Variants in MMEL1 observed in about 807,000 individuals in gnomAD.
MMEL1 encodes membrane metallo-endopeptidase-like 1.
MMEL1 carries 98 observed loss-of-function variants against 117.1 expected under a neutral mutation model. That is an observed-to-expected ratio of 0.84 (90% CI 0.71 to 0.99). The LOEUF (loss-of-function observed/expected upper bound fraction) is 0.99. Ranked by LOEUF, MMEL1 falls within the 50% of genes least tolerant of loss-of-function variation. The pLI is 0.00. For missense variants in MMEL1, 1,014 were observed against 1,049.1 expected, an observed-to-expected ratio of 0.97 and a Z score of 0.46; for synonymous variants, 390 against 415.1, an observed-to-expected ratio of 0.94 and a Z score of 0.74.
chr1:2,615,719 A>G (rs753422137), intron 2 of MMEL1, among the ~76,000 whole-genome samples: 5 of 152,182 alleles, frequency 3.3e-5, no homozygotes, highest in Non-Finnish European at 7.3e-5. Flanking sequence ...TTTCTGTACT[A>G]TTTTGCAATG....
At chr1:2,619,154 G>A (rs559350767) in intron 2 of MMEL1, among the ~76,000 whole-genome samples, 10 of 152,202 alleles carry the variant, frequency 6.6e-5, no homozygotes, top group East Asian at 3.9e-4. Context: ...AGGGATCTGC[G>A]CAGGAATGCT....
chr1:2,599,291 A>G (rs529943914), intron 11 of MMEL1, among the ~76,000 whole-genome samples: 2 of 152,378 alleles, frequency 1.3e-5, no homozygotes, highest in Admixed American at 1.3e-4. Context: ...AGAGTAAATA[A>G]TAAGCCAGTC....
At chr1:2,594,758 C>G (rs775506097) in intron 17 of MMEL1, 32 bp downstream of exon 17, 80 of 1,579,596 alleles carry the variant, frequency 5.1e-5, no homozygotes, top group Non-Finnish European at 6.7e-5. Context: ...CCTGGCCCCC[C>G]CCGCCCATGC....
Position 2,620,462 on chromosome 1 carries a change from T to C in MMEL1, c.155-8258A>G, listed in dbSNP as rs1216335180. 2.0e-5 allele frequency among the ~76,000 whole-genome samples: 3 copies of C among 152,138 alleles called. No homozygotes were observed. In the East Asian group the frequency reaches 5.8e-4, roughly 29 times the overall value. Reference sequence around the variant, plus strand: ...GATCACAAGCAAGGTCTCAAATGCGTGTGGGATTCAGAGGTCTTACCCTAC... The same window carrying C: ...GATCACAAGCAAGGTCTCAAATGCGCGTGGGATTCAGAGGTCTTACCCTAC... On this transcript the variant is annotated intron_variant, in intron 2 of 23. Coordinates refer to ENST00000378412, the MANE Select transcript of MMEL1 (RefSeq NM_033467.4).
intron 2 of MMEL1, among the ~76,000 whole-genome samples, chr1:2,621,979 T>C (rs543315632): frequency 3.3e-5 from 5 of 152,196 alleles, no homozygotes; most frequent in Admixed American, 6.5e-5. Flanking sequence ...TCACGGGCCA[T>C]TGGTCACTCG....
At chr1:2,611,179 C>T in intron 4 of MMEL1, 102 bp downstream of exon 4, 1 of 1,204,998 alleles carries the variant, frequency 8.3e-7, no homozygotes, top group Non-Finnish European at 1.2e-6. Flanking sequence ...CCCGCCGTGT[C>T]TTGGAGTTGC....
chr1:2,613,842 C>A (rs1411213548), intron 2 of MMEL1, among the ~76,000 whole-genome samples: 3 of 151,950 alleles, frequency 2.0e-5, no homozygotes, highest in African/African-American at 4.8e-5. Context: ...CAGAGTGAGA[C>A]CCTGTCTCAA....
rs759613852 is a variant in MMEL1 at position 2,596,631 on chromosome 1, T to C, written c.1331A>G (p.Asn444Ser). ...GCCCACGGCGTTCTCCATGTTGCTG[T>C]TGACGTAGCCCACACATTCACGCCA... is the stretch of plus-strand genomic sequence containing the variant. Reference protein sequence around the residue: ...VRWRECVGYVNSNMENAVGSL... With the variant: ...VRWRECVGYVSSNMENAVGSL... The change falls in exon 14 of 24, where the codon AAC (asparagine) becomes AGC (serine). Residue 444 changes from asparagine to serine, a missense_variant. Transcript: ENST00000378412. 1 of 1,613,236 alleles carries C rather than the reference T, an allele frequency of 6.2e-7. No individual in the cohort carries two copies. Among genetic ancestry groups the C allele is most frequent in the South Asian group, 1.1e-5 (1 of 91,090 alleles).
At chr1:2,600,706 A>G (rs980867791) in intron 11 of MMEL1, among the ~76,000 whole-genome samples, 3 of 85,996 alleles carry the variant, frequency 3.5e-5, no homozygotes, top group Non-Finnish European at 6.1e-5. Flanking sequence ...ACAAACAAAC[A>G]AAACCCAACC....
rs754727791 is a variant in MMEL1 at position 2,595,336 on chromosome 1, G to T, written c.1524C>A (p.Ile508=). ...QEKAMSIREQ[I]GHPDYILEEM... is the part of the protein sequence containing the mutation. ...CCTCCAGGATGTAGTCAGGGTGCCC[G>T]ATCTGCTCCCGGATGCTCATGGCCT... The change falls in exon 16 of 24, where the codon ATC becomes ATA. Residue 508 remains isoleucine, a synonymous_variant. Coordinates refer to ENST00000378412, the MANE Select transcript of MMEL1 (RefSeq NM_033467.4). This position sits in a 1 kb window ranked among gnomAD's most constrained non-coding sequence, Gnocchi z 4.8. 3.1e-6 allele frequency: 5 copies of T among 1,613,776 alleles called. No individual in the cohort carries two copies. In the African/African-American group the frequency reaches 5.3e-5, roughly 17 times the overall value.
At chr1:2,602,898 A>T (rs1205899856) in intron 11 of MMEL1, among the ~76,000 whole-genome samples, 1 of 151,164 alleles carries the variant, frequency 6.6e-6, no homozygotes, top group Non-Finnish European at 1.5e-5. Flanking sequence ...GCTTTCTGAC[A>T]CGTTTTAGAG....
intron 8 of MMEL1, 94 bp downstream of exon 8, chr1:2,606,154 C>A: frequency 1.0e-6 from 1 of 987,842 alleles, no homozygotes; most frequent in Admixed American, 1.8e-5. Flanking sequence ...CCCGGAGCTC[C>A]CTGTCGGCCT....
chr1:2,597,752 C>G (rs1297958002), intron 13 of MMEL1, among the ~76,000 whole-genome samples: 1 of 152,196 alleles, frequency 6.6e-6, no homozygotes. Flanking sequence ...GGCTTTCAGA[C>G]AGGGAGTACA....
chr1:2,632,782 G>T, intron 1 of MMEL1, 84 bp downstream of exon 1: 1 of 849,634 alleles, frequency 1.2e-6, no homozygotes, highest in Non-Finnish European at 1.4e-6. Context: ...CGCCTGGAGA[G>T]GGTTTCAAGG....
rs1645011138 is a variant in MMEL1 at position 2,605,625 on chromosome 1, TG to T, written c.751-3del. On this transcript the variant is annotated splice_region_variant and splice_polypyrimidine_tract_variant and intron_variant, in intron 8 of 23. Coordinates refer to ENST00000378412, the MANE Select transcript of MMEL1 (RefSeq NM_033467.4). Reference sequence around the variant, plus strand: ...CATGCCCAAGGTGGGCTGGTCTATCTGGAAATACAGAAGGTGTGACCCTGGG... The same window carrying T: ...CATGCCCAAGGTGGGCTGGTCTATCTGAAATACAGAAGGTGTGACCCTGGG... The T allele has an allele frequency of 6.2e-7, 1 of 1,612,056 alleles. No individual in the cohort carries two copies. The highest frequency in any genetic ancestry group is 1.1e-5 in the South Asian group (1 of 90,986).
chr1:2,617,660 G>A (rs1645225761), intron 2 of MMEL1, among the ~76,000 whole-genome samples: 1 of 152,140 alleles, frequency 6.6e-6, no homozygotes, highest in Non-Finnish European at 1.5e-5. Context: ...TGTTGGGGAG[G>A]CAAGATCACA....
At chr1:2,629,276 G>A (rs956799295) in intron 2 of MMEL1, 55 bp downstream of exon 2, 3 of 1,491,190 alleles carry the variant, frequency 2.0e-6, no homozygotes, top group Middle Eastern at 2.3e-4. Flanking sequence ...GGTGCAGCGG[G>A]GCGAGCGCGG....
intron 22 of MMEL1, 33 bp downstream of exon 22, chr1:2,591,899 T>C (rs773709113): frequency 6.3e-7 from 1 of 1,592,870 alleles, no homozygotes; most frequent in East Asian, 2.2e-5. Context: ...TGGGGAAGCA[T>C]GGGGATGGTG....
intron 13 of MMEL1, among the ~76,000 whole-genome samples, chr1:2,597,647 G>A (rs1051395071): frequency 1.3e-5 from 2 of 151,810 alleles, no homozygotes; most frequent in African/African-American, 2.4e-5. Context: ...GCCTCCCTGC[G>A]GTTCCTTGTC....
Sources: allele counts gnomAD v4.1 joint callset (sites outside exome capture counted in the v4.1 genomes callset), GRCh38; gene constraint gnomAD v4.1.1; non-coding constraint Gnocchi (gnomAD v3.1); transcripts MANE v1.5; gene names NCBI Gene and HGNC (gene_info 2026-07-23, HGNC 2026-07-21).